Variants in ZNF473 observed in about 807,000 individuals in gnomAD.
ZNF473 encodes zinc finger protein 473.
Under a neutral mutation model 11.1 loss-of-function variants are expected in ZNF473, and 4 were observed. The ratio of observed to expected loss-of-function variants is 0.36; its 90% CI spans 0.18 to 0.82. The LOEUF (loss-of-function observed/expected upper bound fraction) is 0.82, where lower values mean the gene tolerates loss of function less well. ZNF473 is among the 40% of genes least tolerant of loss of function. The pLI is 0.49. For synonymous variants in ZNF473, 404 were observed against 390.4 expected (o/e 1.03, Z -0.41); for missense variants, 854 against 1,084.0 (o/e 0.79, Z 2.98).
At chr19:50,035,089 C>T (rs139688054) in intron 2 of ZNF473, among the ~76,000 whole-genome samples, 1 of 152,054 alleles carries the variant, frequency 6.6e-6, no homozygotes, top group Non-Finnish European at 1.5e-5. Flanking sequence ...CTCAGGAGTT[C>T]AAGATCAGCC....
chr19:50,042,682 G>A (rs906272953), intron 4 of ZNF473: 1 of 152,208 alleles, frequency 6.6e-6, no homozygotes, highest in African/African-American at 2.4e-5. Flanking sequence ...GAGTTGCATA[G>A]TTACCACATA....
At position 50,044,930 on chromosome 19, in the gene ZNF473, T is replaced by G. The variant is rs149885459; in HGVS notation, c.487T>G (p.Ser163Ala). The change falls in exon 5 of 5, where the codon TCC becomes GCC. Residue 163 changes from serine to alanine, a missense_variant. By Grantham distance (99) the Ser-to-Ala change is moderately conservative. Around this residue, in one of 2 missense-constraint regions of ZNF473, gnomAD observed 668 missense variants for 790.2 expected, o/e 0.85. Coordinates refer to ENST00000270617, the MANE Select transcript of ZNF473 (RefSeq NM_015428.4). ...KRGLSPVSTV[S>A]TGEDSMVHNV... ...AGGACTCAGTCCTGTGTCCACCGTT[T>G]CCACGGGAGAAGATTCCATGGTGCA... is the stretch of plus-strand genomic sequence containing the variant. 6 of 1,614,236 alleles carry G rather than the reference T, an allele frequency of 3.7e-6. No homozygotes were observed. Among genetic ancestry groups the G allele is most frequent in the Non-Finnish European group, 5.1e-6 (6 of 1,180,044 alleles).
In ZNF473 at chr19:50,030,889, C is replaced by T. The variant is rs553681109; in HGVS notation, c.-191-3C>T. 4.2e-6 allele frequency: 3 copies of T among 718,054 alleles called. No individual in the cohort carries two copies. In the Admixed American group the frequency reaches 6.9e-5, roughly 16 times the overall value. 44.5% of individuals were successfully genotyped at this position (718,054 alleles called of 1,614,324 possible). A position where few individuals can be genotyped will look rare whatever the true frequency, so the allele number is the denominator to read the frequency against. On this transcript the variant is annotated splice_polypyrimidine_tract_variant and splice_region_variant and intron_variant, in intron 1 of 4. Transcript: ENST00000270617. ...TAAATATAGTTGTTGTTGTCCCCTG[C>T]AGGGAGACTCACATTGGGACTTGTC...
chr19:50,033,359 G>A (rs918300733), intron 2 of ZNF473, among the ~76,000 whole-genome samples: 6 of 152,142 alleles, frequency 3.9e-5, no homozygotes, highest in African/African-American at 1.4e-4. Flanking sequence ...AGGAAAGGGG[G>A]AGAAGGTGAG....
intron 1 of ZNF473, among the ~76,000 whole-genome samples, chr19:50,027,299 C>T (rs571244862): frequency 6.6e-6 from 1 of 152,058 alleles, no homozygotes; most frequent in Non-Finnish European, 1.5e-5. Flanking sequence ...TGAAGTTTTG[C>T]GGTCAGTTTA....
rs1979257781 is a variant in ZNF473, at chr19:50,048,319, A to C, written c.*1260A>C. 1 of 152,254 alleles carries C rather than the reference A, an allele frequency of 6.6e-6. No individual in the cohort carries two copies. Among genetic ancestry groups the C allele is most frequent in the Non-Finnish European group, 1.5e-5 (1 of 68,056 alleles). The allele number at this position is 152,254 out of a possible 1,614,324, so 9.4% of individuals were successfully genotyped here. ...AGTCACACCTTTGCTGAAACACAGT[A>C]GTCTTATGAAAAGCACTGGACACAT... On this transcript the variant is annotated 3_prime_UTR_variant, in exon 5 of 5. Coordinates refer to ENST00000270617, the MANE Select transcript of ZNF473 (RefSeq NM_015428.4).
At chr19:50,038,973 G>T (rs28648772) in intron 2 of ZNF473, among the ~76,000 whole-genome samples, 188 bp from the exon 3 acceptor site, 1 of 152,150 alleles carries the variant, frequency 6.6e-6, no homozygotes, top group Admixed American at 6.5e-5. Flanking sequence ...TCAAAGTCAA[G>T]GTCCTTTTCT....
At chr19:50,035,259 C>T (rs1307394003) in intron 2 of ZNF473, among the ~76,000 whole-genome samples, 3 of 151,876 alleles carry the variant, frequency 2.0e-5, no homozygotes, top group African/African-American at 4.8e-5. Context: ...CACCACTGCA[C>T]TCCAGCCTGG....
chr19:50,035,401 A>G (rs538026156), intron 2 of ZNF473, among the ~76,000 whole-genome samples: 112 of 150,774 alleles, frequency 7.4e-4, no homozygotes, highest in Middle Eastern at 3.5e-3. Context: ...ACTATAAGGA[A>G]TTGGTTTCCT....
chr19:50,044,768 A>C lies in ZNF473; in HGVS notation c.325A>C (p.Asn109His), dbSNP rs752987759. 6.2e-7 allele frequency: 1 copy of C among 1,614,206 alleles called. No homozygotes were observed. Among genetic ancestry groups the C allele is most frequent in the South Asian group, 1.1e-5 (1 of 91,082 alleles). ...GATGTTATCCAAGGATGGCTTCTGG[A>C]ACTCCAATTTCGGAGAAGCCTGTAT... ...IEMLSKDGFW[N>H]SNFGEACIED... The change falls in exon 5 of 5, where the codon AAC (asparagine) becomes CAC (histidine). Residue 109 changes from asparagine to histidine, a missense_variant. Physicochemically the swap from Asn to His is moderately conservative, Grantham distance 68. Transcript: ENST00000270617.
intron 1 of ZNF473, among the ~76,000 whole-genome samples, chr19:50,026,741 C>T (rs528778411): frequency 1.9e-4 from 28 of 149,378 alleles, no homozygotes; most frequent in African/African-American, 6.5e-4. Context: ...ATTGGGAGGC[C>T]GAGGTGGGAG....
intron 2 of ZNF473, among the ~76,000 whole-genome samples, chr19:50,032,909 C>G (rs1484260614): frequency 6.6e-6 from 1 of 152,184 alleles, no homozygotes; most frequent in Non-Finnish European, 1.5e-5. Context: ...TTCCCTCAGC[C>G]TGTGTTTGTC....
In ZNF473 at chr19:50,046,537, A is replaced by G; in HGVS notation, c.2094A>G (p.Arg698=). The G allele has an allele frequency of 6.2e-7, 1 of 1,614,252 alleles. No homozygotes were observed. Among genetic ancestry groups the G allele is most frequent in the South Asian group, 1.1e-5 (1 of 91,090 alleles). The change falls in exon 5 of 5, where the codon AGA becomes AGG. Residue 698 remains arginine (R), a synonymous_variant. Coordinates refer to ENST00000270617, the MANE Select transcript of ZNF473 (RefSeq NM_015428.4). This position sits in a 1 kb window ranked among gnomAD's most constrained non-coding sequence, Gnocchi z 5.9. ...TTCAGCATGAGCGAACTCATGCCAG[A>G]AAGAAGCCGTTGGTGTGTAACGAAT... The part of the protein sequence containing the change: ...YLVQHERTHA[R]KKPLVCNECG...
Position 50,044,944 on chromosome 19 carries a change from T to G in ZNF473, c.501T>G (p.Asp167Glu), listed in dbSNP as rs200088953. ...TGTCCACCGTTTCCACGGGAGAAGA[T>G]TCCATGGTGCATAATGTTTCTGAAA... The part of the protein sequence containing the change: ...SPVSTVSTGE[D>E]SMVHNVSEKT... The change falls in exon 5 of 5, where the codon GAT (aspartate) becomes GAG (glutamate). Residue 167 changes from aspartate (D) to glutamate (E), a missense_variant. Transcript: ENST00000270617. The G allele has an allele frequency of 5.6e-6, 9 of 1,614,184 alleles. No homozygotes were observed. Among genetic ancestry groups the G allele is most frequent in the Non-Finnish European group, 7.6e-6 (9 of 1,180,034 alleles).
At chr19:50,040,214 T>A (rs1978694858) in intron 3 of ZNF473, among the ~76,000 whole-genome samples, 1 of 152,124 alleles carries the variant, frequency 6.6e-6, no homozygotes, top group South Asian at 2.1e-4. Flanking sequence ...TGGGGCAAAG[T>A]CCAAGGAAGC....
At chr19:50,028,970 A>T (rs991758702) in intron 1 of ZNF473, among the ~76,000 whole-genome samples, 3 of 152,018 alleles carry the variant, frequency 2.0e-5, no homozygotes, top group Non-Finnish European at 4.4e-5. Context: ...AGAACAACAA[A>T]TTTTTTTTCA....
At chr19:50,037,592 A>G (rs1978519475) in intron 2 of ZNF473, among the ~76,000 whole-genome samples, 1 of 151,988 alleles carries the variant, frequency 6.6e-6, no homozygotes, top group African/African-American at 2.4e-5. Flanking sequence ...AGGCAGGGGC[A>G]GGAGAATCAC....
At chr19:50,027,791 G>A (rs1364237711) in intron 1 of ZNF473, among the ~76,000 whole-genome samples, 1 of 151,994 alleles carries the variant, frequency 6.6e-6, no homozygotes, top group South Asian at 2.1e-4. Flanking sequence ...CGGTTGAAGC[G>A]ATTCTCCTGC....
Position 50,045,615 on chromosome 19 carries a change from T to C in ZNF473, c.1172T>C (p.Ile391Thr), listed in dbSNP as rs1362991998. ...GKIFRHSSLL[I>T]EHQALHAGEE... Reference sequence around the variant, plus strand: ...ATTTTTAGGCACAGTTCGCTGCTCATTGAACACCAGGCTCTTCATGCTGGA... The same window carrying C: ...ATTTTTAGGCACAGTTCGCTGCTCACTGAACACCAGGCTCTTCATGCTGGA... Residue 391 changes from isoleucine (I) to threonine (T), a missense_variant, in exon 5 of 5, where the codon ATT (isoleucine) becomes ACT (threonine). Physicochemically the swap from Ile to Thr is moderately conservative, Grantham distance 89 (BLOSUM62 -1). This residue lies in a region of ZNF473 where 668 missense variants were observed against 790.2 expected (regional missense o/e 0.85). Coordinates refer to ENST00000270617, the MANE Select transcript of ZNF473 (RefSeq NM_015428.4). 6.2e-7 allele frequency: 1 copy of C among 1,614,120 alleles called. No homozygotes were observed. The highest frequency in any genetic ancestry group is 1.3e-5 in the African/African-American group (1 of 75,012).
Sources: allele counts gnomAD v4.1 joint callset (sites outside exome capture counted in the v4.1 genomes callset), GRCh38; gene constraint gnomAD v4.1.1; regional missense constraint gnomAD v4.1.1; non-coding constraint Gnocchi (gnomAD v3.1); transcripts MANE v1.5; gene names NCBI Gene and HGNC (gene_info 2026-07-23, HGNC 2026-07-21).